The following GPC5 variants were observed in gnomAD, a reference collection of about 807,000 sequenced individuals.
GPC5 encodes glypican-5.
GPC5 carries 47 observed loss-of-function variants against 53.9 expected under a neutral mutation model. The ratio of observed to expected loss-of-function variants is 0.87; its 90% CI spans 0.69 to 1.11. The LOEUF (loss-of-function observed/expected upper bound fraction) is 1.11. Ranked by LOEUF, GPC5 falls within the 50% of genes most tolerant of loss-of-function variation. The pLI is 0.00. For synonymous variants in GPC5, 286 were observed against 263.3 expected (o/e 1.09, Z -0.84); for missense variants, 748 against 713.1 (o/e 1.05, Z -0.56).
At chr13:92,050,869 A>G (rs978259305) in intron 6 of GPC5, among the ~76,000 whole-genome samples, 1 of 152,214 alleles carries the variant, frequency 6.6e-6, no homozygotes, top group Non-Finnish European at 1.5e-5. Context: ...AATATTGCAC[A>G]TGCCGTTTTT....
At chr13:92,380,282 C>T (rs1334023794) in intron 7 of GPC5, among the ~76,000 whole-genome samples, 1 of 152,064 alleles carries the variant, frequency 6.6e-6, no homozygotes, top group African/African-American at 2.4e-5. Context: ...GGAGAGGCAA[C>T]CCTCTCCATC....
At chr13:91,849,703 G>A (rs2038892203) in intron 5 of GPC5, among the ~76,000 whole-genome samples, 1 of 152,090 alleles carries the variant, frequency 6.6e-6, no homozygotes, top group Admixed American at 6.5e-5. Flanking sequence ...TGGCTATTGA[G>A]CTTTTGATCG....
chr13:92,288,580 C>T (rs964580103), intron 7 of GPC5, among the ~76,000 whole-genome samples: 3 of 152,148 alleles, frequency 2.0e-5, no homozygotes, highest in Admixed American at 6.5e-5. Context: ...CTATCTTAAT[C>T]AGGCACTCCC....
intron 6 of GPC5, among the ~76,000 whole-genome samples, chr13:92,091,279 T>TAGATACAGAATCAGTTACTTAAAA (rs1218065466): frequency 1.3e-5 from 2 of 152,164 alleles, no homozygotes; most frequent in East Asian, 3.8e-4. Context: ...ATTTTCTCAT[T>TAGATACAGAATCAGTTACTTAAAA]AGATACAGAA....
chr13:92,826,110 T>C (rs1185406152), intron 7 of GPC5, among the ~76,000 whole-genome samples: 3 of 152,140 alleles, frequency 2.0e-5, no homozygotes, highest in African/African-American at 4.8e-5. Flanking sequence ...CACTTGAATA[T>C]GGGCAAGGCT....
intron 2 of GPC5, among the ~76,000 whole-genome samples, chr13:91,658,700 C>T (rs1377348424): frequency 6.6e-6 from 1 of 152,172 alleles, no homozygotes; most frequent in Admixed American, 6.5e-5. Flanking sequence ...GCTTCCTAAG[C>T]TCTGTGGGGT....
chr13:92,407,910 G>A (rs552556999), intron 7 of GPC5, among the ~76,000 whole-genome samples: 4 of 152,104 alleles, frequency 2.6e-5, no homozygotes, highest in South Asian at 2.1e-4. Context: ...TTTATTTTAC[G>A]TGAGTAAAAG....
At chr13:92,262,338 A>C (rs2042773085) in intron 7 of GPC5, among the ~76,000 whole-genome samples, 1 of 152,190 alleles carries the variant, frequency 6.6e-6, no homozygotes, top group African/African-American at 2.4e-5. Flanking sequence ...TAGATAGTAC[A>C]TTTTGTGACA....
intron 5 of GPC5, among the ~76,000 whole-genome samples, chr13:91,872,766 A>G (rs2039161873): frequency 6.6e-6 from 1 of 152,160 alleles, no homozygotes; most frequent in Admixed American, 6.6e-5. Flanking sequence ...TTTTATATAC[A>G]TCGTGCTTTA....
intron 2 of GPC5, among the ~76,000 whole-genome samples, chr13:91,555,400 C>G (rs1358253634): frequency 6.6e-6 from 1 of 151,988 alleles, no homozygotes; most frequent in African/African-American, 2.4e-5. Context: ...GTAAGAGCAT[C>G]TGGTACATGA....
At chr13:91,740,450 T>C (rs1212194474) in intron 4 of GPC5, among the ~76,000 whole-genome samples, 2 of 152,224 alleles carry the variant, frequency 1.3e-5, no homozygotes, top group African/African-American at 2.4e-5. Context: ...AGAGTTGTGC[T>C]AAGCTCCTTT....
At chr13:91,763,404 T>A (rs2037456213) in intron 5 of GPC5, among the ~76,000 whole-genome samples, 1 of 152,164 alleles carries the variant, frequency 6.6e-6, no homozygotes, top group Non-Finnish European at 1.5e-5. Flanking sequence ...GGTGGGATTG[T>A]TCCTATCAAA....
At chr13:91,627,923 T>C (rs1348957304) in intron 2 of GPC5, among the ~76,000 whole-genome samples, 1 of 152,146 alleles carries the variant, frequency 6.6e-6, no homozygotes, top group Non-Finnish European at 1.5e-5. Context: ...ATTAGGGAAA[T>C]TGAGTTTATC....
intron 3 of GPC5, among the ~76,000 whole-genome samples, chr13:91,705,695 C>CG (rs1415868057): frequency 1.6e-5 from 2 of 122,972 alleles, no homozygotes; most frequent in African/African-American, 6.3e-5. Flanking sequence ...CTAAAAACAC[C>CG]CCCCCCCCCA....
chr13:92,305,678 C>T (rs1019989805), intron 7 of GPC5, among the ~76,000 whole-genome samples: 1 of 152,072 alleles, frequency 6.6e-6, no homozygotes, highest in South Asian at 2.1e-4. Flanking sequence ...ATTACTTTTT[C>T]TTTTCTTTAA....
chr13:92,044,851 C>A (rs2040968946), intron 6 of GPC5, among the ~76,000 whole-genome samples: 1 of 152,102 alleles, frequency 6.6e-6, no homozygotes, highest in Non-Finnish European at 1.5e-5. Flanking sequence ...ATGCCTACTT[C>A]TGGCAAAAAA....
chr13:92,735,318 T>C (rs1888908595), intron 7 of GPC5, among the ~76,000 whole-genome samples: 1 of 152,148 alleles, frequency 6.6e-6, no homozygotes, highest in Admixed American at 6.6e-5. Context: ...ACTGACTATA[T>C]TTTCTTCCAG....
chr13:92,600,298 G>A (rs1353870301), intron 7 of GPC5, among the ~76,000 whole-genome samples: 2 of 151,920 alleles, frequency 1.3e-5, no homozygotes, highest in Non-Finnish European at 2.9e-5. Flanking sequence ...TCTTATTTTT[G>A]ACTTCTAGAT....
intron 6 of GPC5, among the ~76,000 whole-genome samples, chr13:92,013,716 C>A (rs981074939): frequency 6.6e-6 from 1 of 152,050 alleles, no homozygotes; most frequent in Non-Finnish European, 1.5e-5. Flanking sequence ...TTCCCTTTTT[C>A]CCAGCAATAA....
Sources: gnomAD v4.1 joint callset for allele counts (sites outside exome capture counted in the v4.1 genomes callset) on GRCh38, gnomAD v4.1.1 for gene constraint, MANE v1.5 for transcripts, NCBI Gene and HGNC (gene_info 2026-07-23, HGNC 2026-07-21) for gene names.